The following CCT8 variants were observed in gnomAD, a reference collection of about 807,000 sequenced individuals.
The protein encoded by CCT8 is T-complex protein 1 subunit theta.
In CCT8, 10 loss-of-function variants were observed where a neutral mutation model predicts 65.7. The observed-to-expected ratio is 0.15, with a 90% CI of 0.09 to 0.26. CCT8 has a LOEUF of 0.26. Ranked by LOEUF, CCT8 falls within the 10% of genes least tolerant of loss-of-function variation. The probability of loss-of-function intolerance (pLI) is 1.00; values close to 1 mark genes in which losing one functional copy is unlikely to be tolerated. For missense variants in CCT8, 568 were observed against 669.1 expected, an observed-to-expected ratio of 0.85 and a Z score of 1.67; for synonymous variants, 199 against 221.8, an observed-to-expected ratio of 0.90 and a Z score of 0.92.
chr21:29,065,494 T>G (rs571836547), intron 6 of CCT8, among the ~76,000 whole-genome samples: 1 of 152,334 alleles, frequency 6.6e-6, no homozygotes, highest in East Asian at 1.9e-4. Flanking sequence ...AAGCTGGCAG[T>G]ACGTGGAGGG....
chr21:29,065,116 G>C lies in CCT8; in HGVS notation c.625-11C>G. On this transcript the variant is annotated splice_polypyrimidine_tract_variant and intron_variant, in intron 6 of 14. Transcript: ENST00000286788. ...ACTGATACCAGAGCCCTAAGGAATT[G>C]AATACCAAACTCATCAGCAATCTCC... 1 of 1,612,936 alleles carries C rather than the reference G, an allele frequency of 6.2e-7. No homozygotes were observed. Among genetic ancestry groups the C allele is most frequent in the Non-Finnish European group, 8.5e-7 (1 of 1,179,494 alleles).
In CCT8 at chr21:29,067,274, T is replaced by C. The variant is rs546745401; in HGVS notation, c.382-203A>G. On this transcript the variant is annotated intron_variant, in intron 4 of 14. Coordinates refer to ENST00000286788, the MANE Select transcript of CCT8 (RefSeq NM_006585.4). ...TCTTAACTCTACCTAACTCACTAGCTATGAGATCTTGGGCAAGATTTTTCT... is the reference window on the plus strand; with the variant it reads ...TCTTAACTCTACCTAACTCACTAGCCATGAGATCTTGGGCAAGATTTTTCT... Among the ~76,000 whole-genome samples, 7 of 152,318 alleles carry C rather than the reference T, an allele frequency of 4.6e-5. No individual in the cohort carries two copies. In the East Asian group the frequency reaches 7.7e-4, roughly 17 times the overall value.
chr21:29,067,850 AT>A (rs1349111082), intron 3 of CCT8, 145 bp from the exon 4 acceptor site: 1 of 490,430 alleles, frequency 2.0e-6, no homozygotes, highest in Non-Finnish European at 3.3e-6. Context: ...TACGCTACTT[AT>A]AGTGTGGTCA....
At chr21:29,066,608 A>G (rs771659059) in intron 6 of CCT8, 108 bp downstream of exon 6, 9 of 633,518 alleles carry the variant, frequency 1.4e-5, no homozygotes, top group Non-Finnish European at 2.5e-5. Flanking sequence ...ATCATGAAGT[A>G]ACATTTAGGT....
In CCT8 at chr21:29,064,880, T is replaced by G. The variant is rs147091611; in HGVS notation, c.762+88A>C. On this transcript the variant is annotated intron_variant, in intron 7 of 14. Coordinates refer to ENST00000286788, the MANE Select transcript of CCT8 (RefSeq NM_006585.4). ...TAAGATCCTGCAATGTTCAGTTTTT[T>G]AAGAAGTACTTACTGGTTTAAGAGC... 1.9e-3 allele frequency: 2,217 copies of G among 1,153,596 alleles called. 31 individuals carry two copies. The African/African-American group carries it at 0.03, about 16-fold the overall frequency. The allele number at this position is 1,153,596 out of a possible 1,614,324, so 71.5% of individuals were successfully genotyped here. A position where few individuals can be genotyped will look rare whatever the true frequency, so the allele number is the denominator to read the frequency against.
At chr21:29,057,823 GAT>G (rs1180635150) in intron 14 of CCT8, among the ~76,000 whole-genome samples, 4 of 149,246 alleles carry the variant, frequency 2.7e-5, no homozygotes, top group Non-Finnish European at 5.9e-5. Flanking sequence ...ATATACATAT[GAT>G]ATGTGTGATA....
chr21:29,062,497 G>A lies in CCT8; in HGVS notation c.1001C>T (p.Pro334Leu). The change falls in exon 9 of 15, where the codon CCT becomes CTT. Residue 334 changes from proline to leucine, a missense_variant. Coordinates refer to ENST00000286788, the MANE Select transcript of CCT8 (RefSeq NM_006585.4). ...GTTTTCCAAAATACATACCAATCTA[G>A]GAAGAGCTGTAGCACCAACAGTTTT... ...LCKTVGATAL[P>L]RLTPPVLEEM... 1 of 1,613,792 alleles carries A rather than the reference G, an allele frequency of 6.2e-7. No homozygotes were observed. Among genetic ancestry groups the A allele is most frequent in the Non-Finnish European group, 8.5e-7 (1 of 1,179,806 alleles).
intron 3 of CCT8, among the ~76,000 whole-genome samples, chr21:29,068,764 C>A (rs1568915160): frequency 6.6e-6 from 1 of 152,148 alleles, no homozygotes; most frequent in Admixed American, 6.5e-5. Flanking sequence ...CGCGTCCAAC[C>A]AAAAATATAT....
chr21:29,072,153 T>A (rs1601098618), intron 1 of CCT8: 2 of 581,368 alleles, frequency 3.4e-6, no homozygotes, highest in East Asian at 5.6e-5. Flanking sequence ...GAGCTAAGAG[T>A]TCTTCCCTAA....
intron 14 of CCT8, 29 bp from the exon 15 acceptor site, chr21:29,056,581 T>C (rs2146415166): frequency 7.0e-7 from 1 of 1,419,550 alleles, no homozygotes; most frequent in East Asian, 2.5e-5. Flanking sequence ...CACAAGAGTA[T>C]GCTTATCAAC....
At chr21:29,060,036 T>G (rs1255388884) in intron 14 of CCT8, 1 of 151,572 alleles carries the variant, frequency 6.6e-6, no homozygotes, top group East Asian at 1.9e-4. Flanking sequence ...GAAAAATAAT[T>G]ATGATTTCAG....
At chr21:29,073,263 C>T in intron 1 of CCT8, 8 of 1,328,462 alleles carry the variant, frequency 6.0e-6, no homozygotes, top group Non-Finnish European at 7.7e-6. Context: ...AACGCACGCG[C>T]GGCTTCACAT....
chr21:29,060,810 A>G (rs999877744), intron 13 of CCT8, 150 bp from the exon 14 acceptor site: 7 of 839,734 alleles, frequency 8.3e-6, no homozygotes, highest in Non-Finnish European at 1.1e-5. Context: ...GTATGTGAGG[A>G]TTGGTTCTAG....
intron 3 of CCT8, among the ~76,000 whole-genome samples, chr21:29,068,194 T>G (rs1370274668): frequency 1.3e-5 from 2 of 152,218 alleles, no homozygotes; most frequent in Non-Finnish European, 2.9e-5. Context: ...AACATAATTT[T>G]ATGTGGATTT....
intron 10 of CCT8, 24 bp from the exon 11 acceptor site, chr21:29,062,267 G>T: frequency 5.0e-6 from 8 of 1,604,732 alleles, no homozygotes; most frequent in Non-Finnish European, 6.8e-6. Flanking sequence ...AAATATATTT[G>T]GTGATTAAAT....
intron 7 of CCT8, 53 bp from the exon 8 acceptor site, chr21:29,063,583 C>A: frequency 6.4e-7 from 1 of 1,555,964 alleles, no homozygotes; most frequent in South Asian, 1.1e-5. Flanking sequence ...CGTTGGTGTT[C>A]AAAGTCATTA....
rs147692963 is a variant in CCT8, at chr21:29,073,289, G to A, written c.60+242C>T. On this transcript the variant is annotated intron_variant, in intron 1 of 14. Transcript: ENST00000286788. ...GGCTTCACATCCGTCCACCTTCAAGGTGTACAATGTCGATCGTGCCGCCGA... is the reference window on the plus strand; with the variant it reads ...GGCTTCACATCCGTCCACCTTCAAGATGTACAATGTCGATCGTGCCGCCGA... The A allele has an allele frequency of 2.7e-4, 368 of 1,367,374 alleles. No homozygotes were observed. The African/African-American group carries it at 4.9e-3, about 18-fold the overall frequency. The allele number at this position is 1,367,374 out of a possible 1,614,324, so 84.7% of individuals were successfully genotyped here. A position where few individuals can be genotyped will look rare whatever the true frequency, so the allele number is the denominator to read the frequency against.
In CCT8 at chr21:29,061,289, A is replaced by G; in HGVS notation, c.1413T>C (p.His471=). Residue 471 remains histidine (H), a synonymous_variant, in exon 13 of 15, where the codon CAT becomes CAC. Transcript: ENST00000286788. ...ATCCAACGTTTTTATTTCCTTCTTGATGTACTGCATAAAGTTTAGAGATTA... is the reference window on the plus strand; with the variant it reads ...ATCCAACGTTTTTATTTCCTTCTTGGTGTACTGCATAAAGTTTAGAGATTA... ...NEVISKLYAV[H]QEGNKNVGLD... 1 of 1,613,870 alleles carries G rather than the reference A, an allele frequency of 6.2e-7. No individual in the cohort carries two copies. Among genetic ancestry groups the G allele is most frequent in the Non-Finnish European group, 8.5e-7 (1 of 1,179,786 alleles).
intron 1 of CCT8, chr21:29,073,264 G>GACAGCCCAGGCCGTGAGAGGTT: frequency 7.8e-7 from 1 of 1,280,626 alleles, no homozygotes; most frequent in Admixed American, 3.6e-5. Context: ...ACGCACGCGC[G>GACAGCCCAGGCCGTGAGAGGTT]GCTTCACATC....
Sources: gnomAD v4.1 joint callset for allele counts (sites outside exome capture counted in the v4.1 genomes callset) on GRCh38, gnomAD v4.1.1 for gene constraint, MANE v1.5 for transcripts, NCBI Gene and HGNC (gene_info 2026-07-23, HGNC 2026-07-21) for gene names.